Variants in DNAJA1 observed in about 807,000 individuals in gnomAD.
DNAJA1 encodes the protein dnaJ homolog subfamily A member 1.
A neutral mutation model predicts 47.6 loss-of-function variants in DNAJA1; 26 were observed. The ratio of observed to expected loss-of-function variants is 0.55; its 90% CI spans 0.40 to 0.76. The LOEUF is 0.76. Ranked by LOEUF, DNAJA1 falls within the 30% of genes least tolerant of loss-of-function variation. DNAJA1 has a pLI of 0.00. For synonymous variants in DNAJA1, 165 were observed against 158.4 expected (o/e 1.04, Z -0.31); for missense variants, 315 against 485.0 (o/e 0.65, Z 3.29).
rs754831028 is a variant in DNAJA1, at chr9:33,026,546, A to T, written c.62A>T (p.Glu21Val). ...LGVKPNATQE[E>V]LKKAYRKLAL... is the part of the protein sequence containing the mutation. ...GTCAAACCCAATGCTACTCAGGAAG[A>T]ATTGAAAAAGGCTTATAGGAAACTG... The change falls in exon 2 of 9, where the codon GAA becomes GTA. Residue 21 changes from glutamate (E) to valine (V), a missense_variant. Physicochemically the swap from Glu to Val is moderately radical, Grantham distance 121 (BLOSUM62 -2). Transcript: ENST00000330899. The T allele has an allele frequency of 3.1e-6, 5 of 1,611,618 alleles. No homozygotes were observed. The highest frequency in any genetic ancestry group is 4.2e-6 in the Non-Finnish European group (5 of 1,179,460).
intron 3 of DNAJA1, among the ~76,000 whole-genome samples, chr9:33,028,847 C>G (rs1293742505): frequency 6.6e-6 from 1 of 152,184 alleles, no homozygotes; most frequent in East Asian, 1.9e-4. Flanking sequence ...GAACTATAAG[C>G]AGAAGGACAT....
intron 4 of DNAJA1, 35 bp downstream of exon 4, chr9:33,030,024 T>A: frequency 6.3e-7 from 1 of 1,576,566 alleles, no homozygotes; most frequent in South Asian, 1.1e-5. Context: ...TGTTTTGTTT[T>A]TAAGCACCTT....
rs140941391 is a variant in DNAJA1 at position 33,037,823 on chromosome 9, G to A, written c.975+708G>A. Among the ~76,000 whole-genome samples, 742 of 152,134 alleles carry A rather than the reference G, an allele frequency of 4.9e-3. 8 individuals are homozygous for A. Among genetic ancestry groups the A allele is most frequent in the African/African-American group, 0.017 (718 of 41,492 alleles). On this transcript the variant is annotated intron_variant, in intron 8 of 8. Coordinates refer to ENST00000330899, the MANE Select transcript of DNAJA1 (RefSeq NM_001539.4). ...GTGGGAAGGGTGTGTGGGACAAGTG[G>A]GTATTTTACTAATGAAAGGTTGTAA...
intron 5 of DNAJA1, among the ~76,000 whole-genome samples, chr9:33,031,512 A>G (rs1838961749): frequency 6.6e-6 from 1 of 151,738 alleles, no homozygotes; most frequent in South Asian, 2.1e-4. Flanking sequence ...GCTCACTCTA[A>G]CCTCTGCCTC....
At chr9:33,026,654 C>T (rs756858614) in intron 2 of DNAJA1, 38 bp downstream of exon 2, 7 of 1,582,442 alleles carry the variant, frequency 4.4e-6, no homozygotes, top group Non-Finnish European at 5.1e-6. Flanking sequence ...CTGAATAGTT[C>T]TTTGCCAGAC....
intron 5 of DNAJA1, among the ~76,000 whole-genome samples, 178 bp downstream of exon 5, chr9:33,030,845 G>A (rs145159702): frequency 6.6e-6 from 1 of 152,158 alleles, no homozygotes; most frequent in Non-Finnish European, 1.5e-5. Context: ...TTGCACATTG[G>A]TATATTACTA....
chr9:33,032,338 C>T (rs1838974345), intron 5 of DNAJA1, among the ~76,000 whole-genome samples: 1 of 152,200 alleles, frequency 6.6e-6, no homozygotes, highest in Admixed American at 6.5e-5. Flanking sequence ...GGGCCCATGC[C>T]TAAGGTTTAT....
At chr9:33,029,803 T>G in intron 3 of DNAJA1, 82 bp from the exon 4 acceptor site, 1 of 1,116,364 alleles carries the variant, frequency 9.0e-7, no homozygotes. Flanking sequence ...TATTATTCTT[T>G]GCCACATTCT....
At chr9:33,035,712 A>G (rs1340623802) in intron 6 of DNAJA1, among the ~76,000 whole-genome samples, 1 of 151,726 alleles carries the variant, frequency 6.6e-6, no homozygotes, top group African/African-American at 2.4e-5. Flanking sequence ...TAGGCAATCC[A>G]CCTGCCTCGG....
Position 33,029,925 on chromosome 9 carries a change from C to T in DNAJA1, c.351C>T (p.Asp117=), listed in dbSNP as rs878896678. The T allele has an allele frequency of 1.2e-6, 2 of 1,613,000 alleles. No homozygotes were observed. The highest frequency in any genetic ancestry group is 3.3e-5 in the Admixed American group (2 of 59,838). The change falls in exon 4 of 9, where the codon GAC becomes GAT. Residue 117 remains aspartate (D), a synonymous_variant. Transcript: ENST00000330899. ...ATCAGCTCTCAGTAACCCTAGAAGA[C>T]TTATATAATGGTGCAACAAGAAAAC... The part of the protein sequence containing the change: ...VVHQLSVTLE[D]LYNGATRKLA...
At chr9:33,034,115 C>A in intron 5 of DNAJA1, 101 bp from the exon 6 acceptor site, 1 of 774,404 alleles carries the variant, frequency 1.3e-6, no homozygotes, top group Non-Finnish European at 2.0e-6. Context: ...TTAGTCATTT[C>A]TGTGATTTTT....
chr9:33,031,289 G>T (rs1408030990), intron 5 of DNAJA1, among the ~76,000 whole-genome samples: 2 of 152,118 alleles, frequency 1.3e-5, no homozygotes, highest in African/African-American at 2.4e-5. Context: ...GTAGAGACGG[G>T]GTTTCACCAT....
Position 33,039,285 on chromosome 9 carries a change from T to TGGG in DNAJA1, c.*384_*385insGGG, listed in dbSNP as rs2119400969. On this transcript the variant is annotated 3_prime_UTR_variant, in exon 9 of 9. Transcript: ENST00000330899. ...ATGAAAGTAAAACTCTGTATTTAAC[T>TGGG]GGCAATGAGGAAAAAAAAATTTTGT... The TGGG allele has an allele frequency of 5.6e-6, 1 of 179,608 alleles. No individual in the cohort carries two copies. The highest frequency in any genetic ancestry group is 5.5e-5 in the Admixed American group (1 of 18,052). 11.1% of individuals were successfully genotyped at this position (179,608 alleles called of 1,614,324 possible). A position where few individuals can be genotyped will look rare whatever the true frequency, so the allele number is the denominator to read the frequency against.
At chr9:33,033,261 T>A (rs1199496461) in intron 5 of DNAJA1, among the ~76,000 whole-genome samples, 1 of 151,396 alleles carries the variant, frequency 6.6e-6, no homozygotes, top group Non-Finnish European at 1.5e-5. Flanking sequence ...TGTCTAGCAC[T>A]GATTGTTTTG....
Position 33,026,519 on chromosome 9 carries a change from G to C in DNAJA1, c.35G>C (p.Gly12Ala). ...VKETTYYDVL[G>A]VKPNATQEEL... Reference sequence around the variant, plus strand: ...GAAACAACTTACTACGATGTTTTGGGGGTCAAACCCAATGCTACTCAGGAA... The same window carrying C: ...GAAACAACTTACTACGATGTTTTGGCGGTCAAACCCAATGCTACTCAGGAA... The change falls in exon 2 of 9, where the codon GGG (glycine) becomes GCG (alanine). Residue 12 changes from glycine to alanine, a missense_variant. Physicochemically the swap from Gly to Ala is moderately conservative, Grantham distance 60. Coordinates refer to ENST00000330899, the MANE Select transcript of DNAJA1 (RefSeq NM_001539.4). 1 of 1,609,316 alleles carries C rather than the reference G, an allele frequency of 6.2e-7. No individual in the cohort carries two copies. The highest frequency in any genetic ancestry group is 8.5e-7 in the Non-Finnish European group (1 of 1,178,944).
intron 8 of DNAJA1, among the ~76,000 whole-genome samples, chr9:33,038,008 T>C (rs1181788992): frequency 6.6e-6 from 1 of 151,934 alleles, no homozygotes; most frequent in East Asian, 1.9e-4. Flanking sequence ...CTTTTTTTTT[T>C]TTTTTTCCTT....
intron 8 of DNAJA1, among the ~76,000 whole-genome samples, 181 bp from the exon 9 acceptor site, chr9:33,038,504 T>C (rs1303143739): frequency 6.6e-6 from 1 of 152,238 alleles, no homozygotes; most frequent in Non-Finnish European, 1.5e-5. Flanking sequence ...GTCATAATCC[T>C]TGAACTCTAG....
intron 6 of DNAJA1, among the ~76,000 whole-genome samples, chr9:33,035,759 G>A (rs1228808383): frequency 2.0e-5 from 3 of 151,974 alleles, no homozygotes; most frequent in Non-Finnish European, 4.4e-5. Context: ...ATGAGCCACC[G>A]CGCCCAGCCT....
chr9:33,035,610 C>T (rs1839021799), intron 6 of DNAJA1, among the ~76,000 whole-genome samples: 2 of 152,034 alleles, frequency 1.3e-5, no homozygotes, highest in Admixed American at 1.3e-4. Context: ...GCTGGGATTA[C>T]AGGCGCCCAC....
Sources: gnomAD v4.1 joint callset for allele counts (sites outside exome capture counted in the v4.1 genomes callset) on GRCh38, gnomAD v4.1.1 for gene constraint, MANE v1.5 for transcripts, NCBI Gene and HGNC (gene_info 2026-07-23, HGNC 2026-07-21) for gene names.